Variants in TRIM62 observed in about 807,000 individuals in gnomAD.
The protein encoded by TRIM62 is E3 ubiquitin-protein ligase TRIM62.
Under a neutral mutation model 44.2 loss-of-function variants are expected in TRIM62, and 39 were observed. The observed-to-expected ratio is 0.88, with a 90% CI of 0.68 to 1.15. The LOEUF is 1.15. Ranked by LOEUF, TRIM62 falls within the 50% of genes most tolerant of loss-of-function variation. The probability of loss-of-function intolerance (pLI) is 0.00; values close to 1 mark genes in which losing one functional copy is unlikely to be tolerated. For missense variants in TRIM62, 544 were observed against 665.5 expected (o/e 0.82, Z 2.01); for synonymous variants, 278 against 292.3 (o/e 0.95, Z 0.50).
At chr1:33,174,011 TA>T (rs1439613578) in intron 1 of TRIM62, among the ~76,000 whole-genome samples, 1 of 152,048 alleles carries the variant, frequency 6.6e-6, no homozygotes, top group East Asian at 1.9e-4. Context: ...AGCCTCTTTT[TA>T]AAAAAAATTT....
chr1:33,148,317 C>T (rs1202308552), intron 4 of TRIM62, among the ~76,000 whole-genome samples: 1 of 152,170 alleles, frequency 6.6e-6, no homozygotes, highest in African/African-American at 2.4e-5. Flanking sequence ...TAACCTAACT[C>T]CATTTCATGT....
At chr1:33,172,612 G>A (rs759147500) in intron 1 of TRIM62, among the ~76,000 whole-genome samples, 3 of 152,164 alleles carry the variant, frequency 2.0e-5, no homozygotes, top group Non-Finnish European at 4.4e-5. Context: ...GGGCTGTGGA[G>A]TCTGCGCAGC....
chr1:33,180,955 AC>A (rs1429197027), intron 1 of TRIM62, 69 bp downstream of exon 1: 1 of 385,502 alleles, frequency 2.6e-6, no homozygotes, highest in Non-Finnish European at 4.9e-6. Context: ...TCCAGCCCTG[AC>A]CCCACCCCCC....
rs1645232732 is a variant in TRIM62, at chr1:33,159,613, C to T, written c.761+75G>A. On this transcript the variant is annotated intron_variant, in intron 3 of 4. Coordinates refer to ENST00000291416, the MANE Select transcript of TRIM62 (RefSeq NM_018207.3). The surrounding 1 kb of genome is among the most constrained non-coding windows in gnomAD (Gnocchi z 4.2). ...AATTCTCTGCTAAGGATCCCATCTG[C>T]CTCCACTCCCACTGCCCAGCATGGG... The T allele has an allele frequency of 2.0e-6, 3 of 1,517,008 alleles. No homozygotes were observed. The Admixed American group carries it at 6.1e-5, about 31-fold the overall frequency. The allele number at this position is 1,517,008 out of a possible 1,614,324, so 94.0% of individuals were successfully genotyped here. A position where few individuals can be genotyped will look rare whatever the true frequency, so the allele number is the denominator to read the frequency against.
chr1:33,151,737 C>T (rs552798650), intron 4 of TRIM62, among the ~76,000 whole-genome samples: 76 of 152,348 alleles, frequency 5.0e-4, no homozygotes, highest in African/African-American at 1.8e-3. Flanking sequence ...TTCATTTAAG[C>T]ATCTCTGAGA....
chr1:33,181,826 G>C lies in TRIM62; in HGVS notation c.-394C>G, dbSNP rs1645467100. ...GCCCTTAAGGGGGTCGAAATCCCGG[G>C]GTGGGGGCGGTGCGGGGAGGGCGAG... is the stretch of plus-strand genomic sequence containing the variant. On this transcript the variant is annotated 5_prime_UTR_variant, in exon 1 of 5. Coordinates refer to ENST00000291416, the MANE Select transcript of TRIM62 (RefSeq NM_018207.3). This position sits in a 1 kb window ranked among gnomAD's most constrained non-coding sequence, Gnocchi z 6.5. Among the ~76,000 whole-genome samples the C allele has an allele frequency of 1.3e-5, 2 of 151,580 alleles. No homozygotes were observed. Among genetic ancestry groups the C allele is most frequent in the Non-Finnish European group, 2.9e-5 (2 of 67,822 alleles).
At chr1:33,172,498 G>A (rs183994048) in intron 1 of TRIM62, among the ~76,000 whole-genome samples, 3 of 152,228 alleles carry the variant, frequency 2.0e-5, no homozygotes, top group Admixed American at 2.0e-4. Context: ...ACTGGAGGAG[G>A]CCTTGAATGT....
Position 33,145,786 on chromosome 1 carries a change from C to T in TRIM62, c.*1391G>A, listed in dbSNP as rs1304633873. ...CCCTAGATGTGGACTCCACCCTCTC[C>T]CGAGTTCTTCACGATTGGATGCTGT... On this transcript the variant is annotated 3_prime_UTR_variant, in exon 5 of 5. Transcript: ENST00000291416. The T allele has an allele frequency of 4.4e-6, 2 of 458,464 alleles. No homozygotes were observed. Among genetic ancestry groups the T allele is most frequent in the African/African-American group, 2.0e-5 (1 of 49,890 alleles). The allele number at this position is 458,464 out of a possible 1,614,324, so 28.4% of individuals were successfully genotyped here. A position where few individuals can be genotyped will look rare whatever the true frequency, so the allele number is the denominator to read the frequency against.
rs186638940 is a variant in TRIM62 at position 33,156,561 on chromosome 1, C to G, written c.877+1692G>C. Among the ~76,000 whole-genome samples, 273 of 152,298 alleles carry G rather than the reference C, an allele frequency of 1.8e-3. 3 individuals carry two copies. Among genetic ancestry groups the G allele is most frequent in the Non-Finnish European group, 2.2e-3 (150 of 68,016 alleles). ...TCTCGGTCTCCTTGGCTGGGTCCCCCTCTTGTCCCTGACTTCTAGGAGTGT... is the reference window on the plus strand; with the variant it reads ...TCTCGGTCTCCTTGGCTGGGTCCCCGTCTTGTCCCTGACTTCTAGGAGTGT... On this transcript the variant is annotated intron_variant, in intron 4 of 4. Transcript: ENST00000291416.
At position 33,165,375 on chromosome 1, in the gene TRIM62, A is replaced by T. The variant is rs1182142122; in HGVS notation, c.504+96T>A. 1.7e-6 allele frequency: 2 copies of T among 1,169,024 alleles called. No homozygotes were observed. Among genetic ancestry groups the T allele is most frequent in the Non-Finnish European group, 2.4e-6 (2 of 842,086 alleles). The allele number at this position is 1,169,024 out of a possible 1,614,324, so 72.4% of individuals were successfully genotyped here. On this transcript the variant is annotated intron_variant, in intron 2 of 4. Transcript: ENST00000291416. This position sits in a 1 kb window ranked among gnomAD's most constrained non-coding sequence, Gnocchi z 4.0. Reference sequence around the variant, plus strand: ...CCTTGAAGCCAGGTTTCCACCGCACACCCGAGGCCCCGCCCCTCTTCCCCA... The same window carrying T: ...CCTTGAAGCCAGGTTTCCACCGCACTCCCGAGGCCCCGCCCCTCTTCCCCA...
Position 33,177,080 on chromosome 1 carries a change from T to C in TRIM62, c.408+3945A>G, listed in dbSNP as rs951560776. On this transcript the variant is annotated intron_variant, in intron 1 of 4. Transcript: ENST00000291416. This position sits in a 1 kb window ranked among gnomAD's most constrained non-coding sequence, Gnocchi z 4.1. ...ACACACACACATGCACACACACACA[T>C]GCATGCACAAATGCACACACATGCA... 7.0e-6 allele frequency among the ~76,000 whole-genome samples: 1 copy of C among 143,872 alleles called. No homozygotes were observed. The highest frequency in any genetic ancestry group is 1.5e-5 in the Non-Finnish European group (1 of 66,232). 94.4% of individuals were successfully genotyped at this position (143,872 alleles called of 152,430 possible).
chr1:33,160,082 T>C, intron 2 of TRIM62, 138 bp from the exon 3 acceptor site: 9 of 1,088,766 alleles, frequency 8.3e-6, no homozygotes, highest in Non-Finnish European at 1.2e-5. Flanking sequence ...AAATGTCACA[T>C]GCAAAAGCAT....
In TRIM62 at chr1:33,165,220, GC is replaced by G. The variant is rs1645315931; in HGVS notation, c.504+250del. 1 of 385,196 alleles carries G rather than the reference GC, an allele frequency of 2.6e-6. No homozygotes were observed. Among genetic ancestry groups the G allele is most frequent in the African/African-American group, 2.1e-5 (1 of 47,834 alleles). The allele number at this position is 385,196 out of a possible 1,614,324, so 23.9% of individuals were successfully genotyped here. A position where few individuals can be genotyped will look rare whatever the true frequency, so the allele number is the denominator to read the frequency against. On this transcript the variant is annotated intron_variant, in intron 2 of 4. Coordinates refer to ENST00000291416, the MANE Select transcript of TRIM62 (RefSeq NM_018207.3). The surrounding 1 kb of genome is among the most constrained non-coding windows in gnomAD (Gnocchi z 4.0). Reference sequence around the variant, plus strand: ...CACCCAAAGTGGGAAGGGAGAAATGGCCCCGTCCTTAACCGAGGGACCAGCC... The same window carrying G: ...CACCCAAAGTGGGAAGGGAGAAATGGCCCGTCCTTAACCGAGGGACCAGCC...
rs565080993 is a variant in TRIM62, at chr1:33,176,293, A to G, written c.408+4732T>C. ...ACTTCCATTTCTCAGATTGGGTAAG[A>G]GGGTGTCACCCCCTCTCCTGGAAGA... On this transcript the variant is annotated intron_variant, in intron 1 of 4. Transcript: ENST00000291416. 5.8e-5 allele frequency: 33 copies of G among 566,132 alleles called. No homozygotes were observed. In the South Asian group the frequency reaches 6.9e-4, roughly 12 times the overall value. 35.1% of individuals were successfully genotyped at this position (566,132 alleles called of 1,614,324 possible).
intron 1 of TRIM62, among the ~76,000 whole-genome samples, chr1:33,178,676 G>A (rs1645439266): frequency 3.3e-5 from 5 of 152,196 alleles, no homozygotes; most frequent in South Asian, 4.1e-4. Context: ...GAGCATCAGC[G>A]TTTACATGAA....
intron 4 of TRIM62, among the ~76,000 whole-genome samples, chr1:33,153,261 CAAAG>C (rs1645128367): frequency 6.6e-6 from 1 of 152,192 alleles, no homozygotes; most frequent in South Asian, 2.1e-4. Context: ...GCCCCACAGA[CAAAG>C]AAAGGGGCCC....
chr1:33,160,284 G>A (rs914297993), intron 2 of TRIM62, among the ~76,000 whole-genome samples: 3 of 152,120 alleles, frequency 2.0e-5, no homozygotes, highest in Non-Finnish European at 4.4e-5. Flanking sequence ...AAGGAGCTGG[G>A]GATAATGCCC....
chr1:33,162,283 AACTCCACCTGCCT>A (rs1199616740), intron 2 of TRIM62, among the ~76,000 whole-genome samples: 1 of 152,154 alleles, frequency 6.6e-6, no homozygotes, highest in African/African-American at 2.4e-5. Flanking sequence ...ACTGCATTGC[AACTCCACCTGCCT>A]AGAATGACCC....
In TRIM62 at chr1:33,165,311, C is replaced by T; in HGVS notation, c.504+160G>A. 1 of 610,618 alleles carries T rather than the reference C, an allele frequency of 1.6e-6. No individual in the cohort carries two copies. The highest frequency in any genetic ancestry group is 2.8e-6 in the Non-Finnish European group (1 of 356,334). The allele number at this position is 610,618 out of a possible 1,614,324, so 37.8% of individuals were successfully genotyped here. A position where few individuals can be genotyped will look rare whatever the true frequency, so the allele number is the denominator to read the frequency against. The stretch of plus-strand genomic sequence containing the variant: ...CCATTGAACTTCACGGATGCCCTAC[C>T]CTCTTCCCCACCCTGCCCTTCTCAC... On this transcript the variant is annotated intron_variant, in intron 2 of 4. Coordinates refer to ENST00000291416, the MANE Select transcript of TRIM62 (RefSeq NM_018207.3). The surrounding 1 kb of genome is among the most constrained non-coding windows in gnomAD (Gnocchi z 4.0).
Sources: gnomAD v4.1 joint callset for allele counts (sites outside exome capture counted in the v4.1 genomes callset) on GRCh38, gnomAD v4.1.1 for gene constraint, Gnocchi (gnomAD v3.1) non-coding constraint, MANE v1.5 for transcripts, NCBI Gene and HGNC (gene_info 2026-07-23, HGNC 2026-07-21) for gene names.